Variants in SLCO1B3 observed in about 807,000 individuals in gnomAD.
SLCO1B3 encodes the protein liver-specific organic anion transporter 2.
SLCO1B3 carries 72 observed loss-of-function variants against 71.8 expected under a neutral mutation model. The observed-to-expected ratio is 1.00, with a 90% CI of 0.83 to 1.22. The LOEUF is 1.22. SLCO1B3 is among the 50% of genes most tolerant of loss of function. The pLI, the probability that SLCO1B3 is intolerant of heterozygous loss-of-function variation, is 0.00. For missense variants in SLCO1B3, 911 were observed against 819.7 expected (o/e 1.11, Z -1.36); for synonymous variants, 298 against 278.4 (o/e 1.07, Z -0.70).
chr12:20,871,949 G>T (rs1179333731), intron 8 of SLCO1B3, among the ~76,000 whole-genome samples: 1 of 152,188 alleles, frequency 6.6e-6, no homozygotes, highest in East Asian at 1.9e-4. Context: ...AGCCAGGTTT[G>T]TATCCTTCCC....
chr12:20,911,359 G>C (rs1866370598), intron 15 of SLCO1B3, among the ~76,000 whole-genome samples: 1 of 152,048 alleles, frequency 6.6e-6, no homozygotes, highest in Admixed American at 6.6e-5. Flanking sequence ...CTATTTTTGA[G>C]AACTTCTGCA....
intron 4 of SLCO1B3, among the ~76,000 whole-genome samples, chr12:20,855,385 AC>A (rs1457904879): frequency 2.0e-5 from 3 of 152,126 alleles, no homozygotes; most frequent in Non-Finnish European, 4.4e-5. Context: ...GCTGCTAAAC[AC>A]TGTGCAATGC....
chr12:20,871,007 G>A (rs1248254206), intron 8 of SLCO1B3, among the ~76,000 whole-genome samples: 3 of 152,066 alleles, frequency 2.0e-5, no homozygotes, highest in Non-Finnish European at 2.9e-5. Flanking sequence ...TGCATATGTT[G>A]AACTAACTTT....
At position 20,881,889 on chromosome 12, in the gene SLCO1B3, T is replaced by G. The variant is rs564037690; in HGVS notation, c.1497+869T>G. Among the ~76,000 whole-genome samples the G allele has an allele frequency of 3.3e-5, 5 of 152,318 alleles. No homozygotes were observed. In the South Asian group the frequency reaches 1.0e-3, roughly 32 times the overall value. On this transcript the variant is annotated intron_variant, in intron 12 of 15. Coordinates refer to ENST00000381545, the MANE Select transcript of SLCO1B3 (RefSeq NM_019844.4). ...CTACCACACTCTTCCATGCTTCAAT[T>G]CTAAACATTTTCTATCTTTCCCTTG...
At chr12:20,851,786 AG>A (rs1428138607) in intron 3 of SLCO1B3, among the ~76,000 whole-genome samples, 10 of 127,052 alleles carry the variant, frequency 7.9e-5, no homozygotes, top group Non-Finnish European at 1.7e-4. Flanking sequence ...TAAGAGTGTA[AG>A]GTCTTACATT....
chr12:20,874,529 C>T (rs2121290333), intron 8 of SLCO1B3, among the ~76,000 whole-genome samples: 1 of 152,252 alleles, frequency 6.6e-6, no homozygotes, highest in South Asian at 2.1e-4. Context: ...ATTCCTGTTA[C>T]TTAAACTGTA....
At chr12:20,833,461 T>C (rs1864587396) in intron 3 of SLCO1B3, among the ~76,000 whole-genome samples, 2 of 149,434 alleles carry the variant, frequency 1.3e-5, no homozygotes, top group Admixed American at 1.3e-4. Context: ...TATAGTTTGA[T>C]ATATAAATAT....
At chr12:20,831,374 A>G (rs988328241) in intron 3 of SLCO1B3, among the ~76,000 whole-genome samples, 1 of 151,826 alleles carries the variant, frequency 6.6e-6, no homozygotes, top group African/African-American at 2.4e-5. Context: ...AAAAAAAAAA[A>G]AAAAGCCAGG....
intron 3 of SLCO1B3, among the ~76,000 whole-genome samples, chr12:20,817,033 C>T (rs1204759214): frequency 6.6e-6 from 1 of 152,116 alleles, no homozygotes; most frequent in Non-Finnish European, 1.5e-5. Context: ...ATTTTGCCTA[C>T]CTTTTGATCG....
chr12:20,901,186 G>A (rs76075617), intron 14 of SLCO1B3, among the ~76,000 whole-genome samples, 164 bp from the exon 15 acceptor site: 113 of 152,254 alleles, frequency 7.4e-4, no homozygotes, highest in Middle Eastern at 6.8e-3. Context: ...AAGCCTTTGC[G>A]ATTTCTAATA....
At chr12:20,868,712 C>T (rs1288555320) in intron 8 of SLCO1B3, among the ~76,000 whole-genome samples, 3 of 151,932 alleles carry the variant, frequency 2.0e-5, no homozygotes, top group Non-Finnish European at 2.9e-5. Context: ...ACCACCAATG[C>T]ACAGAGACTG....
chr12:20,861,624 A>C (rs1048195009), intron 6 of SLCO1B3, among the ~76,000 whole-genome samples: 1 of 151,856 alleles, frequency 6.6e-6, no homozygotes. Flanking sequence ...TGTGAATAAT[A>C]TAACTTTCTC....
chr12:20,889,445 C>T (rs190978541), intron 13 of SLCO1B3, among the ~76,000 whole-genome samples: 112 of 152,018 alleles, frequency 7.4e-4, no homozygotes, highest in Non-Finnish European at 1.3e-3. Flanking sequence ...TGTATGTTTC[C>T]AGGAATTTAT....
intron 1 of SLCO1B3, among the ~76,000 whole-genome samples, chr12:20,812,822 AAAG>A (rs1194689237): frequency 6.6e-6 from 1 of 152,198 alleles, no homozygotes; most frequent in Non-Finnish European, 1.5e-5. Flanking sequence ...GTATAAAGAA[AAAG>A]AAAACTCTAA....
intron 3 of SLCO1B3, among the ~76,000 whole-genome samples, chr12:20,851,086 T>C (rs1865019331): frequency 6.6e-6 from 1 of 152,230 alleles, no homozygotes; most frequent in African/African-American, 2.4e-5. Flanking sequence ...AACATTTTAG[T>C]TGCTTCTACC....
intron 15 of SLCO1B3, among the ~76,000 whole-genome samples, chr12:20,910,521 G>C (rs1312334508): frequency 1.3e-5 from 2 of 152,124 alleles, no homozygotes; most frequent in Non-Finnish European, 2.9e-5. Context: ...GGCTTGCATT[G>C]AATCTGTGTA....
intron 15 of SLCO1B3, among the ~76,000 whole-genome samples, chr12:20,909,811 G>A (rs1866338528): frequency 1.3e-5 from 2 of 151,972 alleles, no homozygotes; most frequent in Admixed American, 1.3e-4. Context: ...CCTAGGCTCA[G>A]GGAATCCGCT....
chr12:20,908,131 G>C (rs1256056497), intron 15 of SLCO1B3, among the ~76,000 whole-genome samples: 3 of 152,072 alleles, frequency 2.0e-5, no homozygotes, highest in African/African-American at 7.2e-5. Flanking sequence ...GAATTTTAAA[G>C]TATAATAAAA....
At chr12:20,812,030 C>T (rs573341935) in intron 1 of SLCO1B3, among the ~76,000 whole-genome samples, 1 of 151,296 alleles carries the variant, frequency 6.6e-6, no homozygotes, top group East Asian at 2.0e-4. Flanking sequence ...GCCTGAGCTT[C>T]CAGAGTAGCT....
Sources: allele counts gnomAD v4.1 joint callset (sites outside exome capture counted in the v4.1 genomes callset), GRCh38; gene constraint gnomAD v4.1.1; transcripts MANE v1.5; gene names NCBI Gene and HGNC (gene_info 2026-07-23, HGNC 2026-07-21).